The following PHYHD1 variants were observed in gnomAD, a reference collection of about 807,000 sequenced individuals.
PHYHD1 encodes phytanoyl-CoA dioxygenase domain-containing protein 1.
PHYHD1 carries 42 observed loss-of-function variants against 43.6 expected under a neutral mutation model. The observed-to-expected ratio is 0.96, with a 90% confidence interval of 0.75 to 1.25. The LOEUF (loss-of-function observed/expected upper bound fraction) is 1.25. Ranked by LOEUF, PHYHD1 falls within the 50% of genes most tolerant of loss-of-function variation. The pLI, the probability that PHYHD1 is intolerant of heterozygous loss-of-function variation, is 0.00. For missense variants in PHYHD1, 342 were observed against 370.8 expected (o/e 0.92, Z 0.64); for synonymous variants, 139 against 143.6 (o/e 0.97, Z 0.23).
At chr9:128,924,182 C>T (rs1038938694) in intron 3 of PHYHD1, among the ~76,000 whole-genome samples, 3 of 151,890 alleles carry the variant, frequency 2.0e-5, no homozygotes, top group Non-Finnish European at 4.4e-5. Context: ...TTTGGGAGGC[C>T]GAAGTGGGCG....
chr9:128,926,978 G>A (rs767681212), intron 3 of PHYHD1, 60 bp from the exon 4 acceptor site: 1 of 1,611,662 alleles, frequency 6.2e-7, no homozygotes, highest in Non-Finnish European at 8.5e-7. Context: ...AAGGTTGAGG[G>A]AAGGGTCAGA....
At chr9:128,935,802 T>TGA (rs1427197524) in intron 6 of PHYHD1, among the ~76,000 whole-genome samples, 2 of 151,572 alleles carry the variant, frequency 1.3e-5, no homozygotes, top group African/African-American at 4.9e-5. Context: ...CTCAGGAGGC[T>TGA]GAGGCAGGAG....
At chr9:128,930,385 G>A (rs887884115) in intron 4 of PHYHD1, among the ~76,000 whole-genome samples, 3 of 151,618 alleles carry the variant, frequency 2.0e-5, no homozygotes, top group Admixed American at 1.3e-4. Flanking sequence ...AGGCTACAGT[G>A]AGCCGTGATC....
chr9:128,925,423 A>G (rs1266283022), intron 3 of PHYHD1, among the ~76,000 whole-genome samples: 1 of 151,618 alleles, frequency 6.6e-6, no homozygotes, highest in East Asian at 1.9e-4. Flanking sequence ...ACAGGGTTTC[A>G]CCTTGCTGGC....
intron 4 of PHYHD1, among the ~76,000 whole-genome samples, chr9:128,928,341 G>A (rs943987613): frequency 5.3e-5 from 8 of 152,266 alleles, no homozygotes; most frequent in East Asian, 1.9e-4. Flanking sequence ...AAGAAGGGCC[G>A]AATCCTGTGC....
chr9:128,933,935 G>A, intron 5 of PHYHD1, 76 bp from the exon 6 acceptor site: 1 of 1,604,910 alleles, frequency 6.2e-7, no homozygotes. Context: ...CCCCTGGGCT[G>A]GAAGCATGCT....
At chr9:128,924,142 C>T (rs1053196194) in intron 3 of PHYHD1, among the ~76,000 whole-genome samples, 10 of 151,646 alleles carry the variant, frequency 6.6e-5, no homozygotes, top group Non-Finnish European at 1.0e-4. Context: ...ACAGGCCGGG[C>T]GCAGTGGCTC....
At position 128,941,739 on chromosome 9, in the gene PHYHD1, G is replaced by T. The variant is rs771583946; in HGVS notation, c.*26G>T. The T allele has an allele frequency of 6.2e-7, 1 of 1,614,000 alleles. No homozygotes were observed. Among genetic ancestry groups the T allele is most frequent in the East Asian group, 2.2e-5 (1 of 44,868 alleles). On this transcript the variant is annotated 3_prime_UTR_variant, in exon 13 of 13. Transcript: ENST00000372592. ...AGGCTCTCGCAGGGCAGGAGCCCTC[G>T]CCCCTCCCGGGTGAAGCTGTGGGCT...
chr9:128,931,846 C>CTTTT (rs200511638), intron 4 of PHYHD1, among the ~76,000 whole-genome samples: 17 of 149,748 alleles, frequency 1.1e-4, no homozygotes, highest in African/African-American at 3.7e-4. Flanking sequence ...TTCTTTCTTT[C>CTTTT]TTTTTGAGAT....
chr9:128,941,325 G>A, intron 11 of PHYHD1, 120 bp from the exon 12 acceptor site: 2 of 1,344,336 alleles, frequency 1.5e-6, no homozygotes, highest in East Asian at 2.3e-5. Context: ...TTCAGGGAAG[G>A]GAATGGGGAT....
At chr9:128,934,138 A>G (rs1841367204) in intron 6 of PHYHD1, 80 bp downstream of exon 6, 2 of 1,456,004 alleles carry the variant, frequency 1.4e-6, no homozygotes, top group Non-Finnish European at 1.9e-6. Context: ...AATCCTAACT[A>G]ACACTTTGAG....
chr9:128,932,160 A>ATTTTT (rs1564540359), intron 4 of PHYHD1, among the ~76,000 whole-genome samples: 2 of 124,482 alleles, frequency 1.6e-5, no homozygotes, highest in African/African-American at 6.7e-5. Flanking sequence ...TATTATTATT[A>ATTTTT]TTATTATTGT....
In PHYHD1 at chr9:128,937,746, C is replaced by T; in HGVS notation, c.436-11C>T. 4 of 1,614,006 alleles carry T rather than the reference C, an allele frequency of 2.5e-6. No homozygotes were observed. The highest frequency in any genetic ancestry group is 3.4e-6 in the Non-Finnish European group (4 of 1,180,028). On this transcript the variant is annotated splice_polypyrimidine_tract_variant and intron_variant, in intron 8 of 12. Coordinates refer to ENST00000372592, the MANE Select transcript of PHYHD1 (RefSeq NM_001100876.2). ...CTTCTGTCCTCACCAGGCTTTTCCTCTCTCTTGCAGCAACCTCACTTTGGC... is the reference window on the plus strand; with the variant it reads ...CTTCTGTCCTCACCAGGCTTTTCCTTTCTCTTGCAGCAACCTCACTTTGGC...
In PHYHD1 at chr9:128,922,330, T is replaced by C; in HGVS notation, c.7T>C (p.Cys3Arg). 1 of 1,550,934 alleles carries C rather than the reference T, an allele frequency of 6.4e-7. No individual in the cohort carries two copies. The highest frequency in any genetic ancestry group is 1.4e-5 in the African/African-American group (1 of 73,130). ...CAGTGCCCTGAGCGTCTCCATGGCCTGCCTGAGCCCCTCGCAGCTCCAGAA... is the reference window on the plus strand; with the variant it reads ...CAGTGCCCTGAGCGTCTCCATGGCCCGCCTGAGCCCCTCGCAGCTCCAGAA... MA[C>R]LSPSQLQKFQ... Residue 3 changes from cysteine (C) to arginine (R), a missense_variant, in exon 3 of 13, where the codon TGC becomes CGC. Transcript: ENST00000372592.
At position 128,941,966 on chromosome 9, in the gene PHYHD1, C is replaced by T. The variant is rs1246925314; in HGVS notation, c.*253C>T. 2 of 565,326 alleles carry T rather than the reference C, an allele frequency of 3.5e-6. No individual in the cohort carries two copies. Among genetic ancestry groups the T allele is most frequent in the Admixed American group, 6.1e-5 (2 of 32,960 alleles). The allele number at this position is 565,326 out of a possible 1,614,324, so 35.0% of individuals were successfully genotyped here. Reference sequence around the variant, plus strand: ...ACCAAAGGGTTCTGGCCCCTTCTCACTCTCCTCTCCTCTCAGATGGAACTC... The same window carrying T: ...ACCAAAGGGTTCTGGCCCCTTCTCATTCTCCTCTCCTCTCAGATGGAACTC... On this transcript the variant is annotated 3_prime_UTR_variant, in exon 13 of 13. Coordinates refer to ENST00000372592, the MANE Select transcript of PHYHD1 (RefSeq NM_001100876.2).
chr9:128,937,867 C>T (rs951517534), intron 9 of PHYHD1, 89 bp downstream of exon 9: 9 of 1,602,334 alleles, frequency 5.6e-6, no homozygotes, highest in African/African-American at 2.7e-5. Context: ...GGAGGGAAAG[C>T]GCTTGCTCCT....
chr9:128,934,819 C>G (rs961831552), intron 6 of PHYHD1, among the ~76,000 whole-genome samples: 1 of 151,534 alleles, frequency 6.6e-6, no homozygotes, highest in Non-Finnish European at 1.5e-5. Flanking sequence ...AATTAGTGGT[C>G]GGGTAAATGG....
chr9:128,932,183 TA>T lies in PHYHD1; in HGVS notation c.193-1598del, dbSNP rs201848491. Among the ~76,000 whole-genome samples the T allele has an allele frequency of 9.9e-3, 1,345 of 135,574 alleles. 38 individuals are homozygous for T. Among genetic ancestry groups the T allele is most frequent in the East Asian group, 0.081 (392 of 4,814 alleles). The allele number at this position is 135,574 out of a possible 152,430, so 88.9% of individuals were successfully genotyped here. ...TTATTATTATTGTTATTATTATTATTATTTTTTTTTTTTGAGATGGAGTCTC... is the reference window on the plus strand; with the variant it reads ...TTATTATTATTGTTATTATTATTATTTTTTTTTTTTTTGAGATGGAGTCTC... On this transcript the variant is annotated intron_variant, in intron 4 of 12. Coordinates refer to ENST00000372592, the MANE Select transcript of PHYHD1 (RefSeq NM_001100876.2).
chr9:128,931,526 C>T (rs188698156), intron 4 of PHYHD1, among the ~76,000 whole-genome samples: 28 of 151,338 alleles, frequency 1.9e-4, no homozygotes, highest in Non-Finnish European at 3.2e-4. Flanking sequence ...TTTTGTTTTT[C>T]TTTTTCTTTT....
Sources: gnomAD v4.1 joint callset for allele counts (sites outside exome capture counted in the v4.1 genomes callset) on GRCh38, gnomAD v4.1.1 for gene constraint, MANE v1.5 for transcripts, NCBI Gene and HGNC (gene_info 2026-07-23, HGNC 2026-07-21) for gene names.